PRSS12: variants seen among roughly 807,000 people sequenced by gnomAD.
PRSS12 encodes neurotrypsin.
In PRSS12, 85 loss-of-function variants were observed where a neutral mutation model predicts 104.4. That is an observed-to-expected ratio of 0.81 (90% CI 0.68 to 0.98). The LOEUF (loss-of-function observed/expected upper bound fraction) is 0.98. PRSS12 is among the 50% of genes least tolerant of loss of function. The pLI is 0.00. For missense variants in PRSS12, 1,141 were observed against 1,139.2 expected, an observed-to-expected ratio of 1.00 and a Z score of -0.02; for synonymous variants, 454 against 425.2, an observed-to-expected ratio of 1.07 and a Z score of -0.83.
At chr4:118,340,373 T>C (rs1724170189) in intron 1 of PRSS12, among the ~76,000 whole-genome samples, 2 of 152,266 alleles carry the variant, frequency 1.3e-5, no homozygotes, top group Middle Eastern at 3.4e-3. Flanking sequence ...TGCATGTCAA[T>C]GACTAATGAA....
Position 118,352,237 on chromosome 4 carries a change from AG to A in PRSS12, c.483del (p.Tyr162ThrfsTer57). 1 of 1,612,156 alleles carries A rather than the reference AG, an allele frequency of 6.2e-7. No homozygotes were observed. Among genetic ancestry groups the A allele is most frequent in the Admixed American group, 1.7e-5 (1 of 59,948 alleles). ...CACTAACCGTGTCTGCAGTCGCAGTAGCCCCAGTCCACCTTGCCACGGGCGT... is the reference window on the plus strand; with the variant it reads ...CACTAACCGTGTCTGCAGTCGCAGTACCCCAGTCCACCTTGCCACGGGCGT... ...YGDARGKVDW[G>X]YCDCRHGSVR... is the part of the protein sequence containing the mutation. On this transcript the variant is annotated frameshift_variant, in exon 1 of 13. Transcript: ENST00000296498. LOFTEE classifies it high-confidence loss of function.
At chr4:118,305,136 C>CACAT (rs528040086) in intron 8 of PRSS12, among the ~76,000 whole-genome samples, 8 of 148,230 alleles carry the variant, frequency 5.4e-5, no homozygotes, top group Admixed American at 1.3e-4. Flanking sequence ...CACACACACA[C>CACAT]ATATATATAT....
chr4:118,282,030 G>A lies in PRSS12; in HGVS notation c.2534C>T (p.Ser845Phe), dbSNP rs1742878381. The A allele has an allele frequency of 1.9e-6, 3 of 1,613,332 alleles. No homozygotes were observed. The highest frequency in any genetic ancestry group is 2.5e-6 in the Non-Finnish European group (3 of 1,179,364). Residue 845 changes from serine (S) to phenylalanine (F), a missense_variant, in exon 13 of 13, where the codon TCC (serine) becomes TTC (phenylalanine). Coordinates refer to ENST00000296498, the MANE Select transcript of PRSS12 (RefSeq NM_003619.4). The part of the protein sequence containing the change: ...GESWVVYGVT[S>F]WGYGCGVKDS... ...CTTGACTCCACAGCCATACCCCCAG[G>A]AGGTCACCCCATACACCACCCAGCT... is the stretch of plus-strand genomic sequence containing the variant.
Position 118,280,128 on chromosome 4 carries a change from T to A in PRSS12, c.*1808A>T, listed in dbSNP as rs1052588887. ...TCACACTTAAGACATAGTAAAAGCA[T>A]GTTGTATGAACCATGTATTCTTAAG... On this transcript the variant is annotated 3_prime_UTR_variant, in exon 13 of 13. Coordinates refer to ENST00000296498, the MANE Select transcript of PRSS12 (RefSeq NM_003619.4). The A allele has an allele frequency of 2.0e-5, 3 of 152,262 alleles. No individual in the cohort carries two copies. Among genetic ancestry groups the A allele is most frequent in the Admixed American group, 2.0e-4 (3 of 15,290 alleles). The allele number at this position is 152,262 out of a possible 1,614,324, so 9.4% of individuals were successfully genotyped here. A position where few individuals can be genotyped will look rare whatever the true frequency, so the allele number is the denominator to read the frequency against.
intron 3 of PRSS12, among the ~76,000 whole-genome samples, chr4:118,333,577 T>C (rs1191958785): frequency 2.0e-5 from 3 of 152,246 alleles, no homozygotes; most frequent in Admixed American, 6.5e-5. Flanking sequence ...TTATGATGTT[T>C]ATTTTTCCTT....
chr4:118,345,121 A>C (rs1335036121), intron 1 of PRSS12, among the ~76,000 whole-genome samples: 1 of 152,210 alleles, frequency 6.6e-6, no homozygotes, highest in Non-Finnish European at 1.5e-5. Flanking sequence ...TGCTGCACCT[A>C]GTGTGAATGC....
chr4:118,283,050 C>G lies in PRSS12; in HGVS notation c.2101G>C (p.Glu701Gln), dbSNP rs1182726719. 2 of 1,614,084 alleles carry G rather than the reference C, an allele frequency of 1.2e-6. No individual in the cohort carries two copies. Among genetic ancestry groups the G allele is most frequent in the African/African-American group, 1.3e-5 (1 of 74,932 alleles). ...ACTCCAATTTCTTCCTCAAACTCCTCTGGTACCAGAGTATGATAATCTCCA... is the reference window on the plus strand; with the variant it reads ...ACTCCAATTTCTTCCTCAAACTCCTGTGGTACCAGAGTATGATAATCTCCA... ...RVGDYHTLVPEEFEEEIGVQQ... is the reference protein window; with the variant it reads ...RVGDYHTLVPQEFEEEIGVQQ... Residue 701 changes from glutamate to glutamine, a missense_variant, in exon 12 of 13, where the codon GAG (glutamate) becomes CAG (glutamine). Transcript: ENST00000296498.
chr4:118,291,734 C>G (rs551586340), intron 11 of PRSS12, among the ~76,000 whole-genome samples: 15 of 152,252 alleles, frequency 9.9e-5, no homozygotes, highest in Non-Finnish European at 2.1e-4. Flanking sequence ...AGGTTCTTCA[C>G]TGCTTTGTCT....
At chr4:118,285,139 T>C (rs1742986264) in intron 11 of PRSS12, among the ~76,000 whole-genome samples, 1 of 152,228 alleles carries the variant, frequency 6.6e-6, no homozygotes, top group Non-Finnish European at 1.5e-5. Context: ...CCACCTACTG[T>C]TGATCTTTAA....
intron 4 of PRSS12, among the ~76,000 whole-genome samples, chr4:118,323,388 G>A (rs1253257397): frequency 6.6e-6 from 1 of 151,634 alleles, no homozygotes; most frequent in South Asian, 2.1e-4. Flanking sequence ...AGACCAATAC[G>A]GAAGAATATA....
At chr4:118,346,849 CT>C (rs1724368070) in intron 1 of PRSS12, among the ~76,000 whole-genome samples, 1 of 152,112 alleles carries the variant, frequency 6.6e-6, no homozygotes, top group Non-Finnish European at 1.5e-5. Context: ...AATCTAATGC[CT>C]GATGAAACCA....
At chr4:118,282,553 A>C (rs11098432) in intron 12 of PRSS12, among the ~76,000 whole-genome samples, 67,586 of 152,054 alleles carry the variant, frequency 0.44, 15,324 homozygotes, top group East Asian at 0.58. Flanking sequence ...CTGTATATTA[A>C]AAAGCATAGA....
chr4:118,283,602 A>G (rs936324988), intron 11 of PRSS12, among the ~76,000 whole-genome samples: 2 of 152,240 alleles, frequency 1.3e-5, no homozygotes, highest in African/African-American at 4.8e-5. Context: ...AACCCAAACT[A>G]TACTTTCAGA....
At chr4:118,308,674 G>C (rs1743622652) in intron 7 of PRSS12, 97 bp from the exon 8 acceptor site, 2 of 1,497,384 alleles carry the variant, frequency 1.3e-6, no homozygotes, top group Middle Eastern at 1.7e-4. Context: ...TTTTTAATCA[G>C]CTATAAAATC....
chr4:118,307,584 T>G (rs1161565796), intron 8 of PRSS12, among the ~76,000 whole-genome samples: 1 of 152,142 alleles, frequency 6.6e-6, no homozygotes, highest in Admixed American at 6.6e-5. Context: ...TTACTTAGGG[T>G]GCTTTCACAG....
chr4:118,313,748 C>T (rs936092579), intron 6 of PRSS12, among the ~76,000 whole-genome samples: 4 of 152,140 alleles, frequency 2.6e-5, no homozygotes, highest in Non-Finnish European at 5.9e-5. Flanking sequence ...ACACTTTTCT[C>T]ATTTTGCTTC....
At chr4:118,301,857 G>A (rs187271931) in intron 8 of PRSS12, among the ~76,000 whole-genome samples, 4 of 151,918 alleles carry the variant, frequency 2.6e-5, no homozygotes. Flanking sequence ...TGATTCTCTT[G>A]GGTTTTCTAG....
intron 4 of PRSS12, 74 bp from the exon 5 acceptor site, chr4:118,318,630 A>G: frequency 1.4e-6 from 2 of 1,439,404 alleles, no homozygotes; most frequent in South Asian, 2.4e-5. Context: ...TTTTGTCCCT[A>G]GTAAAAGCAT....
At chr4:118,324,957 C>T (rs1414229340) in intron 4 of PRSS12, among the ~76,000 whole-genome samples, 1 of 152,100 alleles carries the variant, frequency 6.6e-6, no homozygotes, top group Admixed American at 6.5e-5. Flanking sequence ...GATCCACCCG[C>T]CTCAGCCTCC....
Sources: gnomAD v4.1 joint callset for allele counts (sites outside exome capture counted in the v4.1 genomes callset) on GRCh38, gnomAD v4.1.1 for gene constraint, MANE v1.5 for transcripts, NCBI Gene and HGNC (gene_info 2026-07-23, HGNC 2026-07-21) for gene names.